Variants in IFT122 observed in about 807,000 individuals in gnomAD.
IFT122 encodes intraflagellar transport 122.
Under a neutral mutation model 161.6 loss-of-function variants are expected in IFT122, and 118 were observed. The ratio of observed to expected loss-of-function variants is 0.73; its 90% CI spans 0.63 to 0.85. IFT122 has a LOEUF of 0.85. Ranked by LOEUF, IFT122 falls within the 40% of genes least tolerant of loss-of-function variation. The probability of loss-of-function intolerance (pLI) is 0.00; values close to 1 mark genes in which losing one functional copy is unlikely to be tolerated. For synonymous variants in IFT122, 550 were observed against 602.4 expected (o/e 0.91, Z 1.27); for missense variants, 1,381 against 1,579.6 (o/e 0.87, Z 2.13).
intron 3 of IFT122, among the ~76,000 whole-genome samples, chr3:129,456,793 G>A (rs922837200): frequency 1.3e-5 from 2 of 152,096 alleles, no homozygotes; most frequent in African/African-American, 2.4e-5. Context: ...GTGGGCACCT[G>A]TAGTCCCAGC....
chr3:129,513,476 G>A (rs1195240467), intron 24 of IFT122: 2 of 152,448 alleles, frequency 1.3e-5, no homozygotes, highest in Non-Finnish European at 2.9e-5. Flanking sequence ...CCTTCCTGGA[G>A]TCAGACCTCT....
At chr3:129,504,085 G>T in intron 20 of IFT122, 1 of 528,570 alleles carries the variant, frequency 1.9e-6, no homozygotes, top group Non-Finnish European at 3.4e-6. Flanking sequence ...TCCAGAAACA[G>T]ACTGTGTTGT....
At chr3:129,480,867 TAAAAAC>T (rs970013154) in intron 13 of IFT122, among the ~76,000 whole-genome samples, 1 of 151,918 alleles carries the variant, frequency 6.6e-6, no homozygotes, top group Non-Finnish European at 1.5e-5. Context: ...AAGCCAATGT[TAAAAAC>T]AAAACAAAAC....
chr3:129,506,726 T>A (rs923598745), intron 22 of IFT122, among the ~76,000 whole-genome samples, 177 bp downstream of exon 22: 1 of 152,208 alleles, frequency 6.6e-6, no homozygotes, highest in African/African-American at 2.4e-5. Flanking sequence ...AGTTTGCCCA[T>A]CAGAATGGTA....
At chr3:129,474,777 A>C (rs1188963690) in intron 9 of IFT122, among the ~76,000 whole-genome samples, 3 of 152,202 alleles carry the variant, frequency 2.0e-5, no homozygotes, top group Non-Finnish European at 4.4e-5. Flanking sequence ...ACCATCAAGA[A>C]AGAGAAAAGA....
Position 129,520,159 on chromosome 3 carries a change from C to A in IFT122, c.3637-17C>A, listed in dbSNP as rs1341217821. On this transcript the variant is annotated splice_polypyrimidine_tract_variant and intron_variant, in intron 29 of 29. Transcript: ENST00000348417. The stretch of plus-strand genomic sequence containing the variant: ...GCACTAGGGCTTCAGCCTGGTCTTA[C>A]AGCTGTCTTCCCTTAGATGTTCCAT... 1.2e-6 allele frequency: 2 copies of A among 1,605,936 alleles called. No homozygotes were observed. The highest frequency in any genetic ancestry group is 2.2e-5 in the South Asian group (2 of 90,364).
rs566393441 is a variant in IFT122, at chr3:129,520,369, T to G, written c.*104T>G. 1 of 963,798 alleles carries G rather than the reference T, an allele frequency of 1.0e-6. No homozygotes were observed. Among genetic ancestry groups the G allele is most frequent in the African/African-American group, 1.6e-5 (1 of 62,266 alleles). The allele number at this position is 963,798 out of a possible 1,614,324, so 59.7% of individuals were successfully genotyped here. A position where few individuals can be genotyped will look rare whatever the true frequency, so the allele number is the denominator to read the frequency against. ...TGTCAGAATGTGTTTCTTGCCCAGA[T>G]GAAGTTTGTGTTTTGTGGGGGGGGC... is the stretch of plus-strand genomic sequence containing the variant. On this transcript the variant is annotated 3_prime_UTR_variant, in exon 30 of 30. Transcript: ENST00000348417.
chr3:129,507,899 TG>T, intron 23 of IFT122, 137 bp downstream of exon 23: 1 of 720,386 alleles, frequency 1.4e-6, no homozygotes, highest in Non-Finnish European at 2.5e-6. Context: ...TGGTCTCCTC[TG>T]GGAAGAAAAA....
At chr3:129,458,178 T>C (rs2075761132) in intron 3 of IFT122, among the ~76,000 whole-genome samples, 1 of 152,236 alleles carries the variant, frequency 6.6e-6, no homozygotes, top group Non-Finnish European at 1.5e-5. Context: ...TTATTATTTG[T>C]CAAAAATAAA....
intron 5 of IFT122, among the ~76,000 whole-genome samples, chr3:129,461,666 T>G (rs2108076729): frequency 6.6e-6 from 1 of 152,334 alleles, no homozygotes; most frequent in South Asian, 2.1e-4. Context: ...AGTGCAGTTG[T>G]CCTCACCTTT....
intron 23 of IFT122, among the ~76,000 whole-genome samples, chr3:129,509,887 T>C (rs2082609345): frequency 6.6e-6 from 1 of 152,232 alleles, no homozygotes. Context: ...AGCTTCTTTC[T>C]CTATAAAATA....
intron 16 of IFT122, among the ~76,000 whole-genome samples, chr3:129,491,673 C>T (rs1019602384): frequency 7.9e-5 from 12 of 152,142 alleles, no homozygotes; most frequent in Non-Finnish European, 1.6e-4. Flanking sequence ...GCTCTGGGTC[C>T]CCTGTGTCTG....
intron 13 of IFT122, among the ~76,000 whole-genome samples, chr3:129,480,199 G>C (rs2078475843): frequency 6.6e-6 from 1 of 152,216 alleles, no homozygotes; most frequent in Non-Finnish European, 1.5e-5. Flanking sequence ...GTCTCCAGAA[G>C]GTGGGAGATT....
At chr3:129,514,685 C>G in intron 25 of IFT122, 131 bp downstream of exon 25, 1 of 1,045,028 alleles carries the variant, frequency 9.6e-7, no homozygotes, top group Non-Finnish European at 1.5e-6. Context: ...GCCCCCTGCT[C>G]AAGCCTGGCC....
Position 129,515,541 on chromosome 3 carries a change from C to A in IFT122, c.3207C>A (p.Asn1069Lys). 1 of 1,587,236 alleles carries A rather than the reference C, an allele frequency of 6.3e-7. No individual in the cohort carries two copies. The highest frequency in any genetic ancestry group is 1.1e-5 in the South Asian group (1 of 90,236). Residue 1069 changes from asparagine (N) to lysine (K), a missense_variant, in exon 26 of 30, where the codon AAC (asparagine) becomes AAA (lysine). Coordinates refer to ENST00000348417, the MANE Select transcript of IFT122 (RefSeq NM_052989.3). ...CCACCAACAACCCGCTGCTCAACAA[C>A]CTGGGCAACGTCTGCATCAACTGCC... ...RCSTNNPLLN[N>K]LGNVCINCRQ...
intron 2 of IFT122, among the ~76,000 whole-genome samples, chr3:129,451,447 C>T (rs2074838534): frequency 6.6e-6 from 1 of 152,090 alleles, no homozygotes; most frequent in African/African-American, 2.4e-5. Context: ...ATAACATTCC[C>T]TCCTACTTGA....
intron 13 of IFT122, among the ~76,000 whole-genome samples, chr3:129,481,126 CATT>C (rs1172829453): frequency 2.0e-5 from 3 of 152,304 alleles, no homozygotes; most frequent in East Asian, 1.9e-4. Context: ...TCACTATCAT[CATT>C]ATTATAATTT....
At chr3:129,519,797 C>T in intron 29 of IFT122, 65 bp downstream of exon 29, 1 of 1,591,606 alleles carries the variant, frequency 6.3e-7, no homozygotes, top group Non-Finnish European at 8.6e-7. Flanking sequence ...CCCAAATGTC[C>T]CTCTGGGAGG....
intron 24 of IFT122, 138 bp from the exon 25 acceptor site, chr3:129,514,251 G>A: frequency 1.1e-6 from 1 of 915,330 alleles, no homozygotes; most frequent in Non-Finnish European, 1.8e-6. Context: ...AGCGCACAGA[G>A]CCTTCCTCAC....
Sources: allele counts gnomAD v4.1 joint callset (sites outside exome capture counted in the v4.1 genomes callset), GRCh38; gene constraint gnomAD v4.1.1; transcripts MANE v1.5; gene names NCBI Gene and HGNC (gene_info 2026-07-23, HGNC 2026-07-21).